PHF21B: variants seen among roughly 807,000 people sequenced by gnomAD.
PHF21B encodes the protein PHD finger protein 4.
In PHF21B, 22 loss-of-function variants were observed where a neutral mutation model predicts 62.2. The observed-to-expected ratio is 0.35, with a 90% CI of 0.25 to 0.51. The LOEUF (loss-of-function observed/expected upper bound fraction) is 0.51, where lower values mean the gene tolerates loss of function less well. Among genes scored for constraint, PHF21B ranks in the 20% least tolerant of loss-of-function variants. The pLI is 0.97. For synonymous variants in PHF21B, 341 were observed against 314.7 expected (o/e 1.08, Z -0.88); for missense variants, 701 against 707.9 (o/e 0.99, Z 0.11).
intron 5 of PHF21B, among the ~76,000 whole-genome samples, chr22:44,908,415 A>G (rs746196910): frequency 6.6e-6 from 1 of 152,054 alleles, no homozygotes; most frequent in Non-Finnish European, 1.5e-5. Flanking sequence ...CATGGGCCTT[A>G]TGGGGTCTGA....
At chr22:44,913,632 C>T (rs1366870810) in intron 5 of PHF21B, among the ~76,000 whole-genome samples, 190 bp downstream of exon 5, 2 of 152,260 alleles carry the variant, frequency 1.3e-5, no homozygotes, top group Admixed American at 1.3e-4. Flanking sequence ...CAGTGCCTCC[C>T]TGAGATAGAA....
Position 44,989,933 on chromosome 22 carries a change from C to T in PHF21B, c.120+18612G>A, listed in dbSNP as rs569525967. 2.1e-4 allele frequency among the ~76,000 whole-genome samples: 32 copies of T among 152,276 alleles called. 1 individual carries two copies. The South Asian group carries it at 5.6e-3, about 27-fold the overall frequency. On this transcript the variant is annotated intron_variant, in intron 2 of 12. Transcript: ENST00000313237. ...CCGTGAGCTACATTTTTAACGTCCA[C>T]GTGTTTAACGCCAATGCAAATCTCT...
chr22:44,987,582 C>G (rs185837450), intron 2 of PHF21B, among the ~76,000 whole-genome samples: 2 of 152,226 alleles, frequency 1.3e-5, no homozygotes, highest in African/African-American at 4.8e-5. Context: ...AGGCTGTGCA[C>G]AGGGTTAGAG....
At chr22:44,958,479 A>G (rs1008967166) in intron 2 of PHF21B, among the ~76,000 whole-genome samples, 1 of 152,008 alleles carries the variant, frequency 6.6e-6, no homozygotes, top group Non-Finnish European at 1.5e-5. Context: ...GTTTTATCTG[A>G]AACTCCTTAG....
intron 2 of PHF21B, among the ~76,000 whole-genome samples, chr22:44,943,198 T>C (rs943965224): frequency 2.8e-4 from 42 of 151,926 alleles, no homozygotes; most frequent in South Asian, 6.2e-4. Context: ...CCCCCAAGCC[T>C]GGAGAAAAGA....
intron 8 of PHF21B, among the ~76,000 whole-genome samples, chr22:44,890,197 C>A (rs1170984611): frequency 6.6e-6 from 1 of 152,142 alleles, no homozygotes; most frequent in Non-Finnish European, 1.5e-5. Context: ...ACCATGGGAA[C>A]AGGCTCATGT....
intron 2 of PHF21B, chr22:44,971,495 T>C (rs914846492): frequency 2.0e-5 from 3 of 152,164 alleles, no homozygotes; most frequent in African/African-American, 7.2e-5. Context: ...CTCTTGGACT[T>C]TGGGTGACTT....
intron 5 of PHF21B, among the ~76,000 whole-genome samples, chr22:44,899,285 CTTTTTTTT>C (rs71188499): frequency 2.0e-5 from 2 of 97,562 alleles, no homozygotes; most frequent in African/African-American, 3.6e-5. Context: ...TGTTCTTATT[CTTTTTTTT>C]TTTTTTTTTT....
rs749890433 is a variant in PHF21B at position 44,916,346 on chromosome 22, G to A, written c.498C>T (p.Ser166=). The change falls in exon 4 of 13, where the codon AGC becomes AGT. Residue 166 remains serine, a synonymous_variant. Coordinates refer to ENST00000313237, the MANE Select transcript of PHF21B (RefSeq NM_138415.5). ...TGTCACTGACCACAGACACGGCGGTGCTGGGGGCCATGGCGGCGGCATTGC... is the reference window on the plus strand; with the variant it reads ...TGTCACTGACCACAGACACGGCGGTACTGGGGGCCATGGCGGCGGCATTGC... The part of the protein sequence containing the change: ...SPSNAAAMAP[S]TAVSVVSDSI... The A allele has an allele frequency of 1.3e-6, 2 of 1,598,746 alleles. No individual in the cohort carries two copies. Among genetic ancestry groups the A allele is most frequent in the Admixed American group, 1.8e-5 (1 of 55,322 alleles).
rs185427472 is a variant in PHF21B at position 44,934,194 on chromosome 22, G to A, written c.121-13704C>T. On this transcript the variant is annotated intron_variant, in intron 2 of 12. Transcript: ENST00000313237. ...TTTGCACGGGGCTCAGAGTCCCATC[G>A]GCCACTTCCTCCTGACTCTCAGGTG... Among the ~76,000 whole-genome samples the A allele has an allele frequency of 3.5e-3, 532 of 152,206 alleles. 3 individuals are homozygous for A. The highest frequency in any genetic ancestry group is 6.8e-3 in the Middle Eastern group (2 of 294).
intron 5 of PHF21B, among the ~76,000 whole-genome samples, chr22:44,912,383 T>C (rs764031451): frequency 2.6e-5 from 4 of 152,120 alleles, no homozygotes; most frequent in Non-Finnish European, 5.9e-5. Flanking sequence ...CTCACCCAAA[T>C]CTCATCTTGA....
chr22:45,002,821 C>T (rs1442773357), intron 2 of PHF21B: 2 of 152,446 alleles, frequency 1.3e-5, no homozygotes, highest in Non-Finnish European at 2.9e-5. Flanking sequence ...CTCTCTCCTC[C>T]TCGTTCATGG....
intron 2 of PHF21B, among the ~76,000 whole-genome samples, chr22:44,922,204 G>C (rs2071550474): frequency 6.6e-6 from 1 of 152,254 alleles, no homozygotes; most frequent in Admixed American, 6.5e-5. Context: ...TTTGCCATTT[G>C]AAAGTCAGTC....
chr22:44,942,218 C>G (rs1254910966), intron 2 of PHF21B, among the ~76,000 whole-genome samples: 3 of 152,202 alleles, frequency 2.0e-5, no homozygotes, highest in Admixed American at 2.0e-4. Context: ...CCTGCAACAT[C>G]TCATACTTGG....
At chr22:44,959,160 G>C (rs1459373972) in intron 2 of PHF21B, among the ~76,000 whole-genome samples, 1 of 152,086 alleles carries the variant, frequency 6.6e-6, no homozygotes, top group Non-Finnish European at 1.5e-5. Flanking sequence ...AAGCTCCCCT[G>C]GCATGTCCTG....
At position 45,009,731 on chromosome 22, in the gene PHF21B, C is replaced by A; in HGVS notation, c.-182G>T. On this transcript the variant is annotated 5_prime_UTR_variant, in exon 1 of 13. Transcript: ENST00000313237. The surrounding 1 kb of genome is among the most constrained non-coding windows in gnomAD (Gnocchi z 5.9). ...GCTGGCGAAGGGGAAGACAGGCTTCCGGGCGCCGCGGCGCCGAGCCCTCGG... is the reference window on the plus strand; with the variant it reads ...GCTGGCGAAGGGGAAGACAGGCTTCAGGGCGCCGCGGCGCCGAGCCCTCGG... The A allele has an allele frequency of 2.0e-6, 1 of 509,780 alleles. No individual in the cohort carries two copies. The highest frequency in any genetic ancestry group is 3.3e-6 in the Non-Finnish European group (1 of 304,180). 31.6% of individuals were successfully genotyped at this position (509,780 alleles called of 1,614,324 possible). A position where few individuals can be genotyped will look rare whatever the true frequency, so the allele number is the denominator to read the frequency against.
intron 5 of PHF21B, among the ~76,000 whole-genome samples, chr22:44,908,791 C>T (rs2071295842): frequency 6.6e-6 from 1 of 152,298 alleles, no homozygotes; most frequent in East Asian, 1.9e-4. Flanking sequence ...TCTTGGTATG[C>T]ATGTATGTGT....
intron 2 of PHF21B, among the ~76,000 whole-genome samples, chr22:44,922,016 G>A (rs1296830334): frequency 6.6e-6 from 1 of 152,240 alleles, no homozygotes; most frequent in East Asian, 1.9e-4. Context: ...CTGATGGGGA[G>A]AGAGGGAACC....
At chr22:44,923,400 G>T (rs1039107513) in intron 2 of PHF21B, among the ~76,000 whole-genome samples, 1 of 148,812 alleles carries the variant, frequency 6.7e-6, no homozygotes, top group African/African-American at 2.5e-5. Flanking sequence ...AAAACTGCTC[G>T]AACAAAATGT....
Sources: allele counts gnomAD v4.1 joint callset (sites outside exome capture counted in the v4.1 genomes callset), GRCh38; gene constraint gnomAD v4.1.1; non-coding constraint Gnocchi (gnomAD v3.1); transcripts MANE v1.5; gene names NCBI Gene and HGNC (gene_info 2026-07-23, HGNC 2026-07-21).